Variants in RANBP17 observed in about 807,000 individuals in gnomAD.
The protein encoded by RANBP17 is RAN binding protein 17.
Under a neutral mutation model 141.2 loss-of-function variants are expected in RANBP17, and 158 were observed. The ratio of observed to expected loss-of-function variants is 1.12; its 90% CI spans 0.98 to 1.28. RANBP17 has a LOEUF of 1.28. Ranked by LOEUF, RANBP17 falls within the 50% of genes most tolerant of loss-of-function variation. The pLI, the probability that RANBP17 is intolerant of heterozygous loss-of-function variation, is 0.00. For synonymous variants in RANBP17, 430 were observed against 450.0 expected, an observed-to-expected ratio of 0.96 and a Z score of 0.56; for missense variants, 1,438 against 1,290.7, an observed-to-expected ratio of 1.11 and a Z score of -1.75.
At chr5:170,881,388 G>A (rs1768675645) in intron 2 of RANBP17, among the ~76,000 whole-genome samples, 1 of 152,188 alleles carries the variant, frequency 6.6e-6, no homozygotes, top group African/African-American at 2.4e-5. Flanking sequence ...GAACACGGAG[G>A]TCAGGGTGGG....
At chr5:171,183,516 A>AT (rs1029982219) in intron 18 of RANBP17, 86 bp downstream of exon 18, 31 of 844,836 alleles carry the variant, frequency 3.7e-5, no homozygotes, top group Middle Eastern at 4.5e-4. Context: ...TGGGTACAAC[A>AT]TTTAACTTAT....
chr5:171,197,343 C>T (rs1183689873), intron 18 of RANBP17, among the ~76,000 whole-genome samples: 1 of 152,142 alleles, frequency 6.6e-6, no homozygotes, highest in Non-Finnish European at 1.5e-5. Flanking sequence ...TGTATTATAA[C>T]ATTTAATCTT....
At chr5:171,148,051 A>G (rs1758190475) in intron 14 of RANBP17, among the ~76,000 whole-genome samples, 1 of 152,140 alleles carries the variant, frequency 6.6e-6, no homozygotes, top group Non-Finnish European at 1.5e-5. Context: ...ACTAAGAAAA[A>G]TTCTTCTGCC....
chr5:170,985,720 T>C (rs1778098589), intron 14 of RANBP17, among the ~76,000 whole-genome samples: 1 of 152,162 alleles, frequency 6.6e-6, no homozygotes, highest in Admixed American at 6.5e-5. Flanking sequence ...TTGAAGGATG[T>C]CATGCTATTG....
chr5:170,985,979 C>T (rs985570634), intron 14 of RANBP17, among the ~76,000 whole-genome samples: 2 of 152,004 alleles, frequency 1.3e-5, no homozygotes, highest in African/African-American at 4.8e-5. Flanking sequence ...GGAAGATTTT[C>T]AAGGCATTGG....
At chr5:171,061,343 G>T (rs1387169506) in intron 14 of RANBP17, among the ~76,000 whole-genome samples, 2 of 152,112 alleles carry the variant, frequency 1.3e-5, no homozygotes, top group East Asian at 1.9e-4. Flanking sequence ...ATGTGTCCCA[G>T]AGATTCTGGT....
At chr5:171,279,835 A>G (rs1470028917) in intron 25 of RANBP17, among the ~76,000 whole-genome samples, 1 of 152,232 alleles carries the variant, frequency 6.6e-6, no homozygotes, top group Non-Finnish European at 1.5e-5. Flanking sequence ...CAGCTAGGAA[A>G]TAGTAGCATC....
chr5:171,107,059 A>G (rs1351152214), intron 14 of RANBP17, among the ~76,000 whole-genome samples: 1 of 152,010 alleles, frequency 6.6e-6, no homozygotes, highest in South Asian at 2.1e-4. Context: ...TTTGGAGTTC[A>G]ACATGTTTAT....
intron 13 of RANBP17, among the ~76,000 whole-genome samples, chr5:170,957,101 ACACACACG>A (rs1239076385): frequency 1.3e-5 from 2 of 151,304 alleles, no homozygotes; most frequent in African/African-American, 4.9e-5. Context: ...ACACACACAC[ACACACACG>A]CGCACACTGC....
chr5:171,069,100 G>C (rs988497170), intron 14 of RANBP17, among the ~76,000 whole-genome samples: 3 of 151,740 alleles, frequency 2.0e-5, no homozygotes, highest in Non-Finnish European at 4.4e-5. Flanking sequence ...AAGTAAAGGA[G>C]AAAAAAAATA....
chr5:171,276,971 T>C (rs1251085618), intron 25 of RANBP17, among the ~76,000 whole-genome samples: 1 of 134,016 alleles, frequency 7.5e-6, no homozygotes, highest in Non-Finnish European at 1.6e-5. Context: ...TTCTAACCCA[T>C]AGATTAAATA....
At chr5:171,225,770 G>A (rs1561780501) in intron 22 of RANBP17, among the ~76,000 whole-genome samples, 1 of 152,208 alleles carries the variant, frequency 6.6e-6, no homozygotes, top group Admixed American at 6.5e-5. Context: ...GACTTGTTAT[G>A]TATTTTGTGA....
intron 5 of RANBP17, among the ~76,000 whole-genome samples, chr5:170,898,984 G>A (rs564264914): frequency 3.3e-5 from 5 of 152,082 alleles, no homozygotes; most frequent in Non-Finnish European, 7.3e-5. Context: ...TTTTGCTTAG[G>A]ATTGTCTTGG....
chr5:171,075,799 A>G (rs1784880847), intron 14 of RANBP17, among the ~76,000 whole-genome samples: 2 of 152,238 alleles, frequency 1.3e-5, no homozygotes, highest in South Asian at 4.2e-4. Flanking sequence ...CTAAAAATAC[A>G]AAAATTAGCT....
At chr5:171,284,491 A>AT (rs1768036792) in intron 25 of RANBP17, 1 of 151,762 alleles carries the variant, frequency 6.6e-6, no homozygotes, top group Non-Finnish European at 1.5e-5. Context: ...CACCTGGCTA[A>AT]TTTTTGTATT....
chr5:171,254,637 T>A (rs1018563108), intron 24 of RANBP17, among the ~76,000 whole-genome samples: 5 of 152,222 alleles, frequency 3.3e-5, no homozygotes, highest in Admixed American at 2.0e-4. Context: ...TAAGAAGTAA[T>A]ATATGTACAT....
At chr5:171,217,985 G>A (rs1292063288) in intron 21 of RANBP17, among the ~76,000 whole-genome samples, 1 of 152,122 alleles carries the variant, frequency 6.6e-6, no homozygotes, top group African/African-American at 2.4e-5. Flanking sequence ...TGATATTAGG[G>A]TGTCTATTTT....
At chr5:171,120,867 C>A (rs1216093374) in intron 14 of RANBP17, among the ~76,000 whole-genome samples, 1 of 152,122 alleles carries the variant, frequency 6.6e-6, no homozygotes, top group African/African-American at 2.4e-5. Flanking sequence ...GTTTGACAGA[C>A]AATGATTTAC....
At chr5:171,034,047 G>A (rs932075768) in intron 14 of RANBP17, among the ~76,000 whole-genome samples, 1 of 152,116 alleles carries the variant, frequency 6.6e-6, no homozygotes, top group African/African-American at 2.4e-5. Flanking sequence ...AGGAGTTTGA[G>A]GCTCTAGTGA....
Sources: allele counts gnomAD v4.1 joint callset (sites outside exome capture counted in the v4.1 genomes callset), GRCh38; gene constraint gnomAD v4.1.1; transcripts MANE v1.5; gene names NCBI Gene and HGNC (gene_info 2026-07-23, HGNC 2026-07-21).